DNAH2: variants seen among roughly 807,000 people sequenced by gnomAD.
The protein encoded by DNAH2 is dynein axonemal heavy chain 2, also known as axonemal beta dynein heavy chain 2.
In DNAH2, 323 loss-of-function variants were observed where a neutral mutation model predicts 523.5. That is an observed-to-expected ratio of 0.62 (90% CI 0.56 to 0.68). The LOEUF is 0.68. Among genes scored for constraint, DNAH2 ranks in the 30% least tolerant of loss-of-function variants. The pLI, the probability that DNAH2 is intolerant of heterozygous loss-of-function variation, is 0.00. For missense variants in DNAH2, 4,907 were observed against 5,701.5 expected (o/e 0.86, Z 4.49); for synonymous variants, 2,093 against 2,177.4 (o/e 0.96, Z 1.08).
intron 44 of DNAH2, among the ~76,000 whole-genome samples, chr17:7,789,725 T>C (rs911047676): frequency 6.6e-6 from 1 of 151,940 alleles, no homozygotes; most frequent in East Asian, 1.9e-4. Context: ...TACAGGTGCC[T>C]GCCACCACAC....
Position 7,798,596 on chromosome 17 carries a change from A to G in DNAH2, c.8437A>G (p.Lys2813Glu). Residue 2813 changes from lysine (K) to glutamate (E), a missense_variant, in exon 55 of 86, where the codon AAG (lysine) becomes GAG (glutamate). Transcript: ENST00000572933. The surrounding 1 kb of genome is among the most constrained non-coding windows in gnomAD (Gnocchi z 5.5). ...RLYRQAGVEL[K>E]TTSFIFVDTQ... is the part of the protein sequence containing the mutation. Reference sequence around the variant, plus strand: ...GTATCGCCAGGCTGGGGTGGAGCTCAAGACCACGTCCTTCATTTTTGTGGA... The same window carrying G: ...GTATCGCCAGGCTGGGGTGGAGCTCGAGACCACGTCCTTCATTTTTGTGGA... 1 of 1,614,116 alleles carries G rather than the reference A, an allele frequency of 6.2e-7. No individual in the cohort carries two copies. The highest frequency in any genetic ancestry group is 1.1e-5 in the South Asian group (1 of 91,084).
chr17:7,740,561 C>T lies in DNAH2; in HGVS notation c.1506+12C>T, dbSNP rs888581037. On this transcript the variant is annotated intron_variant, in intron 10 of 85. Transcript: ENST00000572933. ...TTGCCTCCCGCGAGGTGCGGCTGCC[C>T]CGCGGCTTCCTCGGCTTCCCGTCCC... 5.6e-6 allele frequency: 9 copies of T among 1,612,018 alleles called. No individual in the cohort carries two copies. The highest frequency in any genetic ancestry group is 1.1e-5 in the South Asian group (1 of 91,018).
At chr17:7,741,297 C>CTTTCTTTCTTTCTCTTTCTTT (rs1491588292) in intron 11 of DNAH2, among the ~76,000 whole-genome samples, 1 of 61,326 alleles carries the variant, frequency 1.6e-5, no homozygotes, top group African/African-American at 7.1e-5. Context: ...TTTCTTTCTT[C>CTTTCTTTCTTTCTCTTTCTTT]CTTCCTTCCC....
intron 39 of DNAH2, among the ~76,000 whole-genome samples, chr17:7,784,429 G>A (rs1366509715): frequency 6.6e-6 from 1 of 152,182 alleles, no homozygotes; most frequent in African/African-American, 2.4e-5. Context: ...TGTAGCCCCA[G>A]GACTTTGGGA....
At chr17:7,744,906 C>T (rs1045554442) in intron 12 of DNAH2, among the ~76,000 whole-genome samples, 2 of 152,114 alleles carry the variant, frequency 1.3e-5, no homozygotes, top group African/African-American at 4.8e-5. Context: ...TGAGGGCACA[C>T]AGTTCACCAG....
At chr17:7,792,178 G>A (rs2076916602) in intron 45 of DNAH2, 74 bp from the exon 46 acceptor site, 1 of 1,602,236 alleles carries the variant, frequency 6.2e-7, no homozygotes, top group Non-Finnish European at 8.5e-7. Context: ...CCACCCGGTG[G>A]TCTGGGGCCC....
In DNAH2 at chr17:7,760,061, G is replaced by T. The variant is rs934262959; in HGVS notation, c.2785+123G>T. 2.8e-5 allele frequency: 40 copies of T among 1,447,452 alleles called. No individual in the cohort carries two copies. Among genetic ancestry groups the T allele is most frequent in the Non-Finnish European group, 3.7e-5 (39 of 1,052,276 alleles). The allele number at this position is 1,447,452 out of a possible 1,614,324, so 89.7% of individuals were successfully genotyped here. Reference sequence around the variant, plus strand: ...GGGCCAGTCACCTCCCTGACCTGGGGAAAACTCAGGTCAAGGGGCCAGATC... The same window carrying T: ...GGGCCAGTCACCTCCCTGACCTGGGTAAAACTCAGGTCAAGGGGCCAGATC... On this transcript the variant is annotated intron_variant, in intron 17 of 85. Coordinates refer to ENST00000572933, the MANE Select transcript of DNAH2 (RefSeq NM_020877.5). This position sits in a 1 kb window ranked among gnomAD's most constrained non-coding sequence, Gnocchi z 4.0.
intron 23 of DNAH2, 21 bp from the exon 24 acceptor site, chr17:7,768,143 A>G (rs1186233685): frequency 1.9e-6 from 3 of 1,614,038 alleles, no homozygotes; most frequent in Admixed American, 1.7e-5. Flanking sequence ...GGGTCTTCTC[A>G]TGCCCCCAAC....
At position 7,754,330 on chromosome 17, in the gene DNAH2, C is replaced by T. The variant is rs918817594; in HGVS notation, c.1905-2761C>T. On this transcript the variant is annotated intron_variant, in intron 12 of 85. Coordinates refer to ENST00000572933, the MANE Select transcript of DNAH2 (RefSeq NM_020877.5). The surrounding 1 kb of genome is among the most constrained non-coding windows in gnomAD (Gnocchi z 4.6). ...CATCTGAAAGGGAAAGGAAGTTATA[C>T]TAGAATAGGCAGCCCAGGCTTCCGG... The T allele has an allele frequency of 7.0e-6, 3 of 428,548 alleles. No individual in the cohort carries two copies. The highest frequency in any genetic ancestry group is 1.2e-5 in the Non-Finnish European group (3 of 243,054). 26.5% of individuals were successfully genotyped at this position (428,548 alleles called of 1,614,324 possible). A position where few individuals can be genotyped will look rare whatever the true frequency, so the allele number is the denominator to read the frequency against.
rs1162562816 is a variant in DNAH2 at position 7,829,940 on chromosome 17, C to T, written c.11854-360C>T. 2.7e-5 allele frequency among the ~76,000 whole-genome samples: 4 copies of T among 150,302 alleles called. No individual in the cohort carries two copies. In the Admixed American group the frequency reaches 2.7e-4, roughly 10 times the overall value. Reference sequence around the variant, plus strand: ...ACTTGGGAGGCTGGGGCAGGAGAATCGCTTGAATCCAGGAGGCAGAGGTTG... The same window carrying T: ...ACTTGGGAGGCTGGGGCAGGAGAATTGCTTGAATCCAGGAGGCAGAGGTTG... On this transcript the variant is annotated intron_variant, in intron 77 of 85. Coordinates refer to ENST00000572933, the MANE Select transcript of DNAH2 (RefSeq NM_020877.5).
At position 7,757,147 on chromosome 17, in the gene DNAH2, C is replaced by A; in HGVS notation, c.1961C>A (p.Thr654Lys). ...TACTGGGAGCGGCTGCTGTTTGAGACGCCCCATTACGTGGTGAACGTAGCT... is the reference window on the plus strand; with the variant it reads ...TACTGGGAGCGGCTGCTGTTTGAGAAGCCCCATTACGTGGTGAACGTAGCT... ...IDYWERLLFETPHYVVNVAER... is the reference protein window; with the variant it reads ...IDYWERLLFEKPHYVVNVAER... The change falls in exon 13 of 86, where the codon ACG becomes AAG. Residue 654 changes from threonine to lysine, a missense_variant. Physicochemically the swap from Thr to Lys is moderately conservative, Grantham distance 78 (BLOSUM62 -1). Around this residue, in one of 3 missense-constraint regions of DNAH2, gnomAD observed 2,806 missense variants for 3,190.8 expected, o/e 0.88. Transcript: ENST00000572933. 1 of 1,614,192 alleles carries A rather than the reference C, an allele frequency of 6.2e-7. No individual in the cohort carries two copies. The highest frequency in any genetic ancestry group is 8.5e-7 in the Non-Finnish European group (1 of 1,180,028).
Position 7,817,620 on chromosome 17 carries a change from T to C in DNAH2, c.10080T>C (p.Asn3360=). 4 of 1,614,078 alleles carry C rather than the reference T, an allele frequency of 2.5e-6. No homozygotes were observed. Among genetic ancestry groups the C allele is most frequent in the Non-Finnish European group, 3.4e-6 (4 of 1,180,024 alleles). ...TCGCCATCGATAACTTCCTGTGCAA[T>C]CCTACCAAAGTCCGGGACTGGAACA... The part of the protein sequence containing the change: ...PSFAIDNFLC[N]PTKVRDWNIQ... The change falls in exon 66 of 86, where the codon AAT becomes AAC. Residue 3360 remains asparagine, a synonymous_variant. Coordinates refer to ENST00000572933, the MANE Select transcript of DNAH2 (RefSeq NM_020877.5).
At chr17:7,769,155 CT>C (rs1398212275) in intron 24 of DNAH2, among the ~76,000 whole-genome samples, 1 of 151,420 alleles carries the variant, frequency 6.6e-6, no homozygotes, top group East Asian at 1.9e-4. Flanking sequence ...AGTCTTATGT[CT>C]TTTTTTTTCC....
rs557200954 is a variant in DNAH2, at chr17:7,776,129, G to T, written c.4927G>T (p.Val1643Leu). 2 of 1,613,850 alleles carry T rather than the reference G, an allele frequency of 1.2e-6. No individual in the cohort carries two copies. Among genetic ancestry groups the T allele is most frequent in the South Asian group, 2.2e-5 (2 of 91,082 alleles). ...RKFLNKRDKWVKEWAGQVVIT... is the reference protein window; with the variant it reads ...RKFLNKRDKWLKEWAGQVVIT... Reference sequence around the variant, plus strand: ...GTTCCTCAACAAGAGGGACAAATGGGTGAAGGAGTGGGCTGGCCAGGTGAG... The same window carrying T: ...GTTCCTCAACAAGAGGGACAAATGGTTGAAGGAGTGGGCTGGCCAGGTGAG... Residue 1643 changes from valine to leucine, a missense_variant, in exon 31 of 86, where the codon GTG becomes TTG. Val to Leu is a conservative substitution (Grantham distance 32). Coordinates refer to ENST00000572933, the MANE Select transcript of DNAH2 (RefSeq NM_020877.5).
chr17:7,773,484 G>A (rs2076371185), intron 28 of DNAH2, among the ~76,000 whole-genome samples: 1 of 152,002 alleles, frequency 6.6e-6, no homozygotes, highest in Non-Finnish European at 1.5e-5. Context: ...CACCCACTGG[G>A]GATATGTTCC....
Position 7,760,833 on chromosome 17 carries a change from A to T in DNAH2, c.2879A>T (p.Asp960Val), listed in dbSNP as rs2075984079. The stretch of plus-strand genomic sequence containing the variant: ...CTGCAGAACTACCTCAAGACCTGGG[A>T]CATGTACCGGGAGATCTGGGAGATC... Reference protein sequence around the residue: ...SLLQNYLKTWDMYREIWEINK... With the variant: ...SLLQNYLKTWVMYREIWEINK... Residue 960 changes from aspartate to valine, a missense_variant, in exon 18 of 86, where the codon GAC becomes GTC. Asp to Val is a radical substitution (Grantham distance 152, BLOSUM62 -3). Transcript: ENST00000572933. The surrounding 1 kb of genome is among the most constrained non-coding windows in gnomAD (Gnocchi z 4.0). 1 of 1,614,218 alleles carries T rather than the reference A, an allele frequency of 6.2e-7. No individual in the cohort carries two copies. Among genetic ancestry groups the T allele is most frequent in the South Asian group, 1.1e-5 (1 of 91,088 alleles).
Position 7,760,960 on chromosome 17 carries a change from T to C in DNAH2, c.2978+28T>C. 1 of 1,611,618 alleles carries C rather than the reference T, an allele frequency of 6.2e-7. No individual in the cohort carries two copies. Among genetic ancestry groups the C allele is most frequent in the East Asian group, 2.2e-5 (1 of 44,874 alleles). On this transcript the variant is annotated intron_variant, in intron 18 of 85. Coordinates refer to ENST00000572933, the MANE Select transcript of DNAH2 (RefSeq NM_020877.5). This position sits in a 1 kb window ranked among gnomAD's most constrained non-coding sequence, Gnocchi z 4.0. ...GAGTGGTGAGGGTGGATTGAAAGTC[T>C]GTCTGTAGGAGGCACAGCACTGCAG... is the stretch of plus-strand genomic sequence containing the variant.
intron 2 of DNAH2, 40 bp downstream of exon 2, chr17:7,719,940 G>C: frequency 6.8e-7 from 1 of 1,460,566 alleles, no homozygotes; most frequent in Non-Finnish European, 9.0e-7. Flanking sequence ...AGCAATGGAG[G>C]GTGGGGAAAG....
intron 11 of DNAH2, 73 bp downstream of exon 11, chr17:7,741,065 G>C: frequency 6.6e-7 from 1 of 1,520,620 alleles, no homozygotes; most frequent in African/African-American, 1.4e-5. Context: ...GCTCCTGAGA[G>C]GTTCCCCAAA....
Sources: gnomAD v4.1 joint callset for allele counts (sites outside exome capture counted in the v4.1 genomes callset) on GRCh38, gnomAD v4.1.1 for gene constraint, gnomAD v4.1.1 regional missense constraint, Gnocchi (gnomAD v3.1) non-coding constraint, MANE v1.5 for transcripts, NCBI Gene and HGNC (gene_info 2026-07-23, HGNC 2026-07-21) for gene names.